NAALADL2: variants seen among roughly 807,000 people sequenced by gnomAD.
NAALADL2 encodes N-acetylated alpha-linked acidic dipeptidase like 2.
NAALADL2 carries 76 observed loss-of-function variants against 87.2 expected under a neutral mutation model. The ratio of observed to expected loss-of-function variants is 0.87; its 90% confidence interval spans 0.72 to 1.05. NAALADL2 has a LOEUF of 1.05. Ranked by LOEUF, NAALADL2 falls within the 50% of genes least tolerant of loss-of-function variation. The pLI is 0.00. For missense variants in NAALADL2, 1,089 were observed against 945.8 expected, an observed-to-expected ratio of 1.15 and a Z score of -1.99; for synonymous variants, 354 against 331.0, an observed-to-expected ratio of 1.07 and a Z score of -0.75.
chr3:174,934,584 G>T (rs1737392935), intron 1 of NAALADL2, among the ~76,000 whole-genome samples: 2 of 152,022 alleles, frequency 1.3e-5, no homozygotes, highest in Non-Finnish European at 2.9e-5. Flanking sequence ...GGCAGAGGCG[G>T]GAGGATTGCT....
chr3:175,412,240 C>A (rs1713668872), intron 5 of NAALADL2, among the ~76,000 whole-genome samples: 1 of 152,126 alleles, frequency 6.6e-6, no homozygotes, highest in East Asian at 1.9e-4. Flanking sequence ...AAGGATGACA[C>A]AAAAGATAGA....
rs979846975 is a variant in NAALADL2 at position 175,804,055 on chromosome 3, T to C, written c.*852T>C. On this transcript the variant is annotated 3_prime_UTR_variant, in exon 14 of 14. Transcript: ENST00000454872. Reference sequence around the variant, plus strand: ...AAATGAAAGCATCTCACATTGGTTTTCTTTCTTGTATCTTTTCTGAAACTC... The same window carrying C: ...AAATGAAAGCATCTCACATTGGTTTCCTTTCTTGTATCTTTTCTGAAACTC... The C allele has an allele frequency of 6.6e-6, 1 of 151,996 alleles. No homozygotes were observed. The highest frequency in any genetic ancestry group is 1.5e-5 in the Non-Finnish European group (1 of 67,868). The allele number at this position is 151,996 out of a possible 1,614,324, so 9.4% of individuals were successfully genotyped here.
At chr3:174,993,854 A>C (rs561973245) in intron 1 of NAALADL2, among the ~76,000 whole-genome samples, 238 of 152,284 alleles carry the variant, frequency 1.6e-3, no homozygotes, top group African/African-American at 5.6e-3. Context: ...TCTAGGGAAG[A>C]CTTCCATGCC....
In NAALADL2 at chr3:174,588,199, C is replaced by T. The variant is rs558005294; in HGVS notation, c.-115+37562C>T. ...GCTTATGCATGCGTCACGTAGTTCTCGTGCCATGGTTTTCAGCTCCATCAG... is the reference window on the plus strand; with the variant it reads ...GCTTATGCATGCGTCACGTAGTTCTTGTGCCATGGTTTTCAGCTCCATCAG... On this transcript the variant is annotated intron_variant, in intron 2 of 3. Coordinates refer to the NAALADL2 transcript ENST00000434257. Among the ~76,000 whole-genome samples, 16 of 152,256 alleles carry T rather than the reference C, an allele frequency of 1.1e-4. 1 individual carries two copies. In the South Asian group the frequency reaches 1.5e-3, roughly 14 times the overall value.
chr3:175,112,764 G>T (rs548195482), intron 2 of NAALADL2, among the ~76,000 whole-genome samples: 1 of 151,434 alleles, frequency 6.6e-6, no homozygotes, highest in South Asian at 2.1e-4. Context: ...AGGAACATAC[G>T]GTCATATGAG....
chr3:174,547,848 C>G (rs1022667932), intron 1 of NAALADL2, among the ~76,000 whole-genome samples: 3 of 152,072 alleles, frequency 2.0e-5, no homozygotes, highest in Non-Finnish European at 2.9e-5. Context: ...TTCTCTGAAG[C>G]CTTTCAACTT....
intron 1 of NAALADL2, among the ~76,000 whole-genome samples, chr3:174,994,405 C>G (rs1323216913): frequency 6.6e-6 from 1 of 152,164 alleles, no homozygotes; most frequent in African/African-American, 2.4e-5. Context: ...AATCTTTAAA[C>G]ATTCTTAACA....
chr3:175,408,730 T>C (rs1463139248), intron 5 of NAALADL2, among the ~76,000 whole-genome samples: 1 of 152,054 alleles, frequency 6.6e-6, no homozygotes, highest in Non-Finnish European at 1.5e-5. Context: ...TTTAATGACC[T>C]TGTATTGTCA....
chr3:175,127,844 C>T (rs1727203331), intron 2 of NAALADL2, among the ~76,000 whole-genome samples: 1 of 151,880 alleles, frequency 6.6e-6, no homozygotes, highest in Non-Finnish European at 1.5e-5. Context: ...CATAGCAAGA[C>T]CCTGTCTCTA....
At chr3:175,264,469 A>G (rs1751588843) in intron 4 of NAALADL2, among the ~76,000 whole-genome samples, 1 of 151,846 alleles carries the variant, frequency 6.6e-6, no homozygotes, top group African/African-American at 2.4e-5. Context: ...TGAAGATAAT[A>G]ATATACTTAA....
chr3:174,762,018 G>T (rs113619480), intron 3 of NAALADL2, among the ~76,000 whole-genome samples: 1 of 151,946 alleles, frequency 6.6e-6, no homozygotes, highest in African/African-American at 2.4e-5. Context: ...ACATCTCTGG[G>T]CTGGTATGTT....
rs530465764 is a variant in NAALADL2 at position 174,839,779 on chromosome 3, A to G, written c.-9+102033A>G. Reference sequence around the variant, plus strand: ...TACACTAATTATCAAGGAAATGCAAATCAGAACCACAGTGTGATACCACCT... The same window carrying G: ...TACACTAATTATCAAGGAAATGCAAGTCAGAACCACAGTGTGATACCACCT... On this transcript the variant is annotated intron_variant, in intron 3 of 3. Coordinates refer to the NAALADL2 transcript ENST00000434257. Among the ~76,000 whole-genome samples the G allele has an allele frequency of 7.2e-5, 11 of 152,252 alleles. No homozygotes were observed. The South Asian group carries it at 2.3e-3, about 32-fold the overall frequency.
chr3:175,219,686 T>C lies in NAALADL2; in HGVS notation c.546-14245T>C, dbSNP rs189869866. On this transcript the variant is annotated intron_variant, in intron 2 of 13. Coordinates refer to ENST00000454872, the MANE Select transcript of NAALADL2 (RefSeq NM_207015.3). ...AATATCATTACATATGTTTTAGTCTTTTTGTACTCTATATTCTGTTGCTTT... is the reference window on the plus strand; with the variant it reads ...AATATCATTACATATGTTTTAGTCTCTTTGTACTCTATATTCTGTTGCTTT... Among the ~76,000 whole-genome samples the C allele has an allele frequency of 2.7e-3, 405 of 152,198 alleles. 4 individuals carry two copies. The highest frequency in any genetic ancestry group is 0.01 in the Middle Eastern group (3 of 294).
intron 2 of NAALADL2, among the ~76,000 whole-genome samples, chr3:174,573,857 C>A (rs769342330): frequency 6.6e-6 from 1 of 152,110 alleles, no homozygotes; most frequent in Non-Finnish European, 1.5e-5. Flanking sequence ...CAGATTTCAA[C>A]ATGAGACTTG....
intron 9 of NAALADL2, among the ~76,000 whole-genome samples, chr3:175,546,803 TG>T (rs1457654562): frequency 1.3e-5 from 2 of 152,038 alleles, no homozygotes; most frequent in African/African-American, 4.8e-5. Context: ...TAACATTTTT[TG>T]TTTCATTTCA....
chr3:175,611,967 G>A lies in NAALADL2; in HGVS notation c.1801-15324G>A, dbSNP rs182246220. On this transcript the variant is annotated intron_variant, in intron 10 of 13. Coordinates refer to ENST00000454872, the MANE Select transcript of NAALADL2 (RefSeq NM_207015.3). The stretch of plus-strand genomic sequence containing the variant: ...TTCCAGTTGAATAAATGAAAAGAAT[G>A]ATTAAAATAAATGGATTTAGCTAAA... 2.6e-5 allele frequency among the ~76,000 whole-genome samples: 4 copies of A among 152,200 alleles called. No individual in the cohort carries two copies. In the East Asian group the frequency reaches 7.7e-4, roughly 29 times the overall value.
At chr3:175,304,014 T>TG (rs1276823488) in intron 4 of NAALADL2, among the ~76,000 whole-genome samples, 1 of 152,030 alleles carries the variant, frequency 6.6e-6, no homozygotes, top group African/African-American at 2.4e-5. Flanking sequence ...TTAGGATTTT[T>TG]TTTTTTTTAC....
chr3:174,927,216 T>G (rs574795848), intron 1 of NAALADL2, among the ~76,000 whole-genome samples: 1 of 152,206 alleles, frequency 6.6e-6, no homozygotes, highest in African/African-American at 2.4e-5. Flanking sequence ...AGCAAGTCCT[T>G]AGAGACCTAC....
intron 1 of NAALADL2, among the ~76,000 whole-genome samples, chr3:174,451,915 T>C (rs969727175): frequency 2.7e-5 from 4 of 147,760 alleles, no homozygotes; most frequent in Admixed American, 1.3e-4. Flanking sequence ...CAATCTTGGC[T>C]TACTGCAACC....
Sources: gnomAD v4.1 joint callset for allele counts (sites outside exome capture counted in the v4.1 genomes callset) on GRCh38, gnomAD v4.1.1 for gene constraint, MANE v1.5 for transcripts, NCBI Gene and HGNC (gene_info 2026-07-23, HGNC 2026-07-21) for gene names.